Variants in SYTL5 observed in about 807,000 individuals in gnomAD.
The protein encoded by SYTL5 is synaptotagmin-like protein 5.
SYTL5 carries 34 observed loss-of-function variants against 55.9 expected under a neutral mutation model. The ratio of observed to expected loss-of-function variants is 0.61; its 90% CI spans 0.46 to 0.81. The LOEUF (loss-of-function observed/expected upper bound fraction) is 0.81. Ranked by LOEUF, SYTL5 falls within the 30% of genes least tolerant of loss-of-function variation. The pLI, the probability that SYTL5 is intolerant of heterozygous loss-of-function variation, is 0.00. For synonymous variants in SYTL5, 221 were observed against 188.7 expected (o/e 1.17, Z -1.40); for missense variants, 637 against 546.7 (o/e 1.17, Z -1.65).
the SYTL5 span, among the ~76,000 whole-genome samples, chrX:37,903,025 G>A: frequency 6.3e-5 from 7 of 111,671 alleles, no homozygotes; most frequent in East Asian, 2.0e-3. Context: ...AGTTAGAATG[G>A]CAATCATTAA....
chrX:38,011,030 A>G (rs911479183), intron 1 of SYTL5, among the ~76,000 whole-genome samples: 3 of 111,572 alleles, frequency 2.7e-5, no homozygotes, highest in Admixed American at 1.9e-4. Context: ...CCAGCACCAG[A>G]GGCAATTTTC....
chrX:38,078,678 A>G (rs1487024286), intron 6 of SYTL5, among the ~76,000 whole-genome samples: 1 of 112,439 alleles, frequency 8.9e-6, no homozygotes, highest in Non-Finnish European at 1.9e-5. Flanking sequence ...GGTCTCCAGT[A>G]TCAGTGCTTA....
chrX:37,988,957 G>C, the SYTL5 span, among the ~76,000 whole-genome samples: 1 of 111,755 alleles, frequency 8.9e-6, no homozygotes, highest in East Asian at 2.8e-4. Context: ...CCAGAGGAAA[G>C]ACATAAATTG....
At chrX:38,023,257 G>T (rs992815626) in intron 1 of SYTL5, among the ~76,000 whole-genome samples, 1 of 111,647 alleles carries the variant, frequency 9.0e-6, no homozygotes, top group Non-Finnish European at 1.9e-5. Context: ...TTTTCTTCTA[G>T]GATTCAATTC....
the SYTL5 span, among the ~76,000 whole-genome samples, chrX:37,980,501 C>T: frequency 1.8e-5 from 2 of 112,206 alleles, no homozygotes; most frequent in Non-Finnish European, 3.8e-5. Flanking sequence ...ATCCTAAAGG[C>T]GTATAGCAAG....
the SYTL5 span, among the ~76,000 whole-genome samples, chrX:37,932,798 G>A: frequency 8.9e-6 from 1 of 112,162 alleles, no homozygotes; most frequent in African/African-American, 3.2e-5. Context: ...ATGGGACTGC[G>A]AGGTTAGCTT....
At chrX:37,947,665 G>A in the SYTL5 span, among the ~76,000 whole-genome samples, 4 of 111,565 alleles carry the variant, frequency 3.6e-5, no homozygotes, top group African/African-American at 6.5e-5. Flanking sequence ...CTTTTTGGGC[G>A]CTGTGTTCTG....
chrX:38,065,774 G>A (rs139309058), intron 3 of SYTL5, among the ~76,000 whole-genome samples: 3,963 of 111,471 alleles, frequency 0.036, 65 homozygotes, highest in Middle Eastern at 0.068. Context: ...GCCTTAGCCC[G>A]GGGCATGACA....
At chrX:38,049,677 C>A (rs1030293896) in intron 2 of SYTL5, among the ~76,000 whole-genome samples, 1 of 111,838 alleles carries the variant, frequency 8.9e-6, no homozygotes, top group Non-Finnish European at 1.9e-5. Context: ...AACCTAACTG[C>A]AAGAAATACT....
At chrX:37,902,169 T>A in the SYTL5 span, among the ~76,000 whole-genome samples, 2 of 112,029 alleles carry the variant, frequency 1.8e-5, no homozygotes, top group Non-Finnish European at 3.8e-5. Context: ...AAAGTGAGGT[T>A]CTACACCCAG....
chrX:37,934,395 G>T, the SYTL5 span, among the ~76,000 whole-genome samples: 1 of 108,586 alleles, frequency 9.2e-6, no homozygotes, highest in Non-Finnish European at 1.9e-5. Flanking sequence ...AAGTTGAAAA[G>T]TTCAATAACT....
chrX:37,889,294 T>C, the SYTL5 span, among the ~76,000 whole-genome samples: 2 of 112,048 alleles, frequency 1.8e-5, no homozygotes, highest in Non-Finnish European at 3.8e-5. Flanking sequence ...AGCATTTTAC[T>C]TGTTGCAAAT....
chrX:37,998,222 G>T, the SYTL5 span, among the ~76,000 whole-genome samples: 1 of 112,526 alleles, frequency 8.9e-6, no homozygotes, highest in Non-Finnish European at 1.9e-5. Context: ...AAGAACTCAG[G>T]ACCCGTCAAA....
At chrX:37,998,550 A>G in the SYTL5 span, among the ~76,000 whole-genome samples, 1 of 111,951 alleles carries the variant, frequency 8.9e-6, no homozygotes, top group Non-Finnish European at 1.9e-5. Flanking sequence ...AGCAGCTGGC[A>G]TGTCTGACTG....
the SYTL5 span, among the ~76,000 whole-genome samples, chrX:37,937,064 A>C: frequency 1.1e-5 from 1 of 94,168 alleles, no homozygotes. Context: ...AAAAAAAAAA[A>C]GTACGTTGAC....
intron 3 of SYTL5, among the ~76,000 whole-genome samples, chrX:38,062,875 C>A (rs1935994504): frequency 8.9e-6 from 1 of 112,097 alleles, no homozygotes; most frequent in African/African-American, 3.2e-5. Flanking sequence ...CCAATTAGAG[C>A]TTTAGCCTAG....
intron 8 of SYTL5, among the ~76,000 whole-genome samples, chrX:38,095,838 T>C (rs1241699131): frequency 1.8e-5 from 2 of 111,331 alleles, no homozygotes; most frequent in Non-Finnish European, 3.8e-5. Context: ...AGCAGTTGCC[T>C]TAAACAGCTT....
intron 13 of SYTL5, among the ~76,000 whole-genome samples, chrX:38,114,316 C>T (rs1280555704): frequency 8.9e-6 from 1 of 111,797 alleles, no homozygotes; most frequent in African/African-American, 3.3e-5. Context: ...CTTTAAGGAC[C>T]AGGTAAGAGC....
At chrX:38,091,081 C>T (rs1184777638) in intron 7 of SYTL5, among the ~76,000 whole-genome samples, 1 of 111,951 alleles carries the variant, frequency 8.9e-6, no homozygotes, top group East Asian at 2.8e-4. Flanking sequence ...AGAAGAGTAA[C>T]ACAATCTGCC....
Sources: allele counts gnomAD v4.1 joint callset (sites outside exome capture counted in the v4.1 genomes callset), GRCh38; gene constraint gnomAD v4.1.1; transcripts MANE v1.5; gene names NCBI Gene and HGNC (gene_info 2026-07-23, HGNC 2026-07-21).